TMCO6: variants seen among roughly 807,000 people sequenced by gnomAD.
TMCO6 encodes the protein transmembrane and coiled-coil domains 6.
Under a neutral mutation model 61.8 loss-of-function variants are expected in TMCO6, and 47 were observed. That is an observed-to-expected ratio of 0.76 (90% CI 0.60 to 0.97). The LOEUF (loss-of-function observed/expected upper bound fraction) is 0.97. Among genes scored for constraint, TMCO6 ranks in the 50% least tolerant of loss-of-function variants. The pLI, the probability that TMCO6 is intolerant of heterozygous loss-of-function variation, is 0.00. For missense variants in TMCO6, 557 were observed against 601.6 expected (o/e 0.93, Z 0.78); for synonymous variants, 261 against 254.2 (o/e 1.03, Z -0.25).
the TMCO6 span, chr5:140,632,732 G>A: frequency 6.2e-7 from 1 of 1,613,704 alleles, no homozygotes; most frequent in Non-Finnish European, 8.5e-7. The surrounding 1 kb of genome is among the most constrained non-coding windows in gnomAD (Gnocchi z 6.2). Flanking sequence ...CCTTGACCGT[G>A]TCAGCATACT....
chr5:140,615,419 T>A, the TMCO6 span, among the ~76,000 whole-genome samples: 1 of 152,220 alleles, frequency 6.6e-6, no homozygotes, highest in African/African-American at 2.4e-5. Context: ...ATGGCTTTTT[T>A]TTTCAGAAAT....
At chr5:140,630,293 A>G in the TMCO6 span, among the ~76,000 whole-genome samples, 1 of 150,428 alleles carries the variant, frequency 6.6e-6, no homozygotes, top group Admixed American at 6.7e-5. Context: ...CACCTGGCCC[A>G]GATATATTAC....
At chr5:140,634,273 G>T in the TMCO6 span, among the ~76,000 whole-genome samples, 1 of 152,032 alleles carries the variant, frequency 6.6e-6, no homozygotes, top group Non-Finnish European at 1.5e-5. Context: ...GGAAGGAAGG[G>T]ATGGGACTAT....
At chr5:140,621,243 C>G in the TMCO6 span, among the ~76,000 whole-genome samples, 1 of 152,166 alleles carries the variant, frequency 6.6e-6, no homozygotes, top group Non-Finnish European at 1.5e-5. Flanking sequence ...TGATTCCTCC[C>G]TGTTGCAGGA....
intron 4 of TMCO6, 117 bp from the exon 5 acceptor site, chr5:140,642,198 T>A: frequency 7.2e-7 from 1 of 1,388,876 alleles, no homozygotes; most frequent in Non-Finnish European, 9.9e-7. Flanking sequence ...CTCCCCACCC[T>A]CTTGTGAGCC....
At chr5:140,599,670 G>A in the TMCO6 span, among the ~76,000 whole-genome samples, 1 of 152,326 alleles carries the variant, frequency 6.6e-6, no homozygotes, top group South Asian at 2.1e-4. Context: ...GGAGGCCGAA[G>A]AGGGCGGATC....
chr5:140,618,761 G>T, the TMCO6 span, among the ~76,000 whole-genome samples: 2 of 151,924 alleles, frequency 1.3e-5, no homozygotes, highest in South Asian at 4.1e-4. Flanking sequence ...GGAACAACTA[G>T]AAATCCACAT....
chr5:140,602,009 C>T, the TMCO6 span, among the ~76,000 whole-genome samples: 1 of 152,194 alleles, frequency 6.6e-6, no homozygotes, highest in Non-Finnish European at 1.5e-5. Context: ...AGAAATAAAT[C>T]CTGCTTAATT....
the TMCO6 span, among the ~76,000 whole-genome samples, chr5:140,600,867 T>TATTCACACATACAAACTGTTCAAAC: frequency 6.6e-6 from 1 of 152,222 alleles, no homozygotes; most frequent in Non-Finnish European, 1.5e-5. Flanking sequence ...AAAGAGATGC[T>TATTCACACATACAAACTGTTCAAAC]ATTCACACAT....
chr5:140,608,984 A>G, the TMCO6 span: 2 of 152,248 alleles, frequency 1.3e-5, no homozygotes, highest in Non-Finnish European at 2.9e-5. Flanking sequence ...TTCTGCACCC[A>G]TTGAACTTCT....
chr5:140,606,172 T>C, the TMCO6 span, among the ~76,000 whole-genome samples: 1 of 23,720 alleles, frequency 4.2e-5, no homozygotes, highest in African/African-American at 4.0e-4. Flanking sequence ...TTCTTTCCTC[T>C]TTTTTTTTTT....
At chr5:140,643,367 T>C (rs1265972726) in intron 7 of TMCO6, 197 bp from the exon 8 acceptor site, 1 of 625,254 alleles carries the variant, frequency 1.6e-6, no homozygotes, top group East Asian at 2.9e-5. Context: ...CGGCTAATTT[T>C]TGTATTTCTA....
chr5:140,634,694 C>A (rs1756724801), upstream of TMCO6, among the ~76,000 whole-genome samples: 1 of 152,036 alleles, frequency 6.6e-6, no homozygotes. Flanking sequence ...CTATGTTGAC[C>A]AGGCACTCCT....
the TMCO6 span, among the ~76,000 whole-genome samples, chr5:140,616,453 C>A: frequency 6.6e-6 from 1 of 151,530 alleles, no homozygotes; most frequent in Non-Finnish European, 1.5e-5. Flanking sequence ...CCCTAGCTAC[C>A]TAGGAGGCTG....
chr5:140,643,537 A>G, intron 7 of TMCO6, 27 bp from the exon 8 acceptor site: 1 of 1,598,166 alleles, frequency 6.3e-7, no homozygotes, highest in African/African-American at 1.3e-5. Flanking sequence ...CTATATACCT[A>G]GGGACTGCTT....
At chr5:140,624,427 CAG>C in the TMCO6 span, among the ~76,000 whole-genome samples, 255 of 152,066 alleles carry the variant, frequency 1.7e-3, no homozygotes, top group African/African-American at 5.9e-3. Context: ...ATTATATTAC[CAG>C]AGTTGTGTAA....
chr5:140,633,976 G>A, the TMCO6 span, among the ~76,000 whole-genome samples: 1 of 151,992 alleles, frequency 6.6e-6, no homozygotes, highest in East Asian at 1.9e-4. Context: ...TTTTAGTAGA[G>A]ACAGGTTTTC....
At chr5:140,632,057 C>G in the TMCO6 span, 673 of 1,614,226 alleles carry the variant, frequency 4.2e-4, 6 homozygotes, top group East Asian at 0.014. The surrounding 1 kb of genome is among the most constrained non-coding windows in gnomAD (Gnocchi z 6.2). Flanking sequence ...GCGCCCTGTT[C>G]AGTCTGTTGC....
chr5:140,632,664 A>C, the TMCO6 span: 1 of 1,613,800 alleles, frequency 6.2e-7, no homozygotes, highest in South Asian at 1.1e-5. The surrounding 1 kb of genome is among the most constrained non-coding windows in gnomAD (Gnocchi z 6.2). Flanking sequence ...CAGGGCGCCT[A>C]CCAGTAGCTG....
Sources: allele counts gnomAD v4.1 joint callset (sites outside exome capture counted in the v4.1 genomes callset), GRCh38; gene constraint gnomAD v4.1.1; non-coding constraint Gnocchi (gnomAD v3.1); transcripts MANE v1.5; gene names NCBI Gene and HGNC (gene_info 2026-07-23, HGNC 2026-07-21).